The following PLB1 variants were observed in gnomAD, a reference collection of about 807,000 sequenced individuals.
PLB1 encodes phospholipase B1, membrane-associated.
A neutral mutation model predicts 227.4 loss-of-function variants in PLB1; 242 were observed. The observed-to-expected ratio is 1.06, with a 90% CI of 0.96 to 1.18. PLB1 has a LOEUF of 1.18. PLB1 is among the 50% of genes most tolerant of loss of function. The probability of loss-of-function intolerance (pLI) is 0.00; values close to 1 mark genes in which losing one functional copy is unlikely to be tolerated. For missense variants in PLB1, 1,858 were observed against 1,816.3 expected (o/e 1.02, Z -0.42); for synonymous variants, 757 against 682.2 (o/e 1.11, Z -1.71).
At chr2:28,632,252 A>C (rs978873246) in intron 55 of PLB1, 112 bp downstream of exon 55, 7 of 834,330 alleles carry the variant, frequency 8.4e-6, no homozygotes, top group Non-Finnish European at 1.3e-5. Flanking sequence ...TCTCTCCAAG[A>C]GGATTCCTGA....
At position 28,534,001 on chromosome 2, in the gene PLB1, C is replaced by T. The variant is rs144107381; in HGVS notation, c.555+1807C>T. Reference sequence around the variant, plus strand: ...CCTCCCTAATCCTCTGTCTCTTTTTCTTTGCAAACCTCTTACATATCTATA... The same window carrying T: ...CCTCCCTAATCCTCTGTCTCTTTTTTTTTGCAAACCTCTTACATATCTATA... On this transcript the variant is annotated intron_variant, in intron 9 of 57. Transcript: ENST00000327757. Among the ~76,000 whole-genome samples the T allele has an allele frequency of 2.9e-4, 44 of 152,280 alleles. No homozygotes were observed. The East Asian group carries it at 8.3e-3, about 29-fold the overall frequency.
At chr2:28,631,439 C>CCTAA (rs1447630449) in intron 54 of PLB1, among the ~76,000 whole-genome samples, 8 of 152,178 alleles carry the variant, frequency 5.3e-5, no homozygotes, top group Non-Finnish European at 1.2e-4. Flanking sequence ...CTTGATGGGC[C>CCTAA]CTAAAAGCCC....
Position 28,614,079 on chromosome 2 carries a change from A to G in PLB1, c.3178A>G (p.Ile1060Val), listed in dbSNP as rs747435477. 4.7e-5 allele frequency: 75 copies of G among 1,612,734 alleles called. No homozygotes were observed. The highest frequency in any genetic ancestry group is 6.3e-5 in the Non-Finnish European group (74 of 1,179,080). The stretch of plus-strand genomic sequence containing the variant: ...TCGGAATAGTAACTACACGTACCCC[A>G]TCAAGCCAGCCATTGAGGTAACCCC... ...TPRNSNYTYP[I>V]KPAIENWGSD... Residue 1060 changes from isoleucine to valine, a missense_variant, in exon 44 of 58, where the codon ATC (isoleucine) becomes GTC (valine). Transcript: ENST00000327757.
chr2:28,635,686 T>G (rs1299309309), intron 56 of PLB1, among the ~76,000 whole-genome samples: 1 of 150,968 alleles, frequency 6.6e-6, no homozygotes, highest in East Asian at 1.9e-4. Flanking sequence ...CTCACGTCCT[T>G]CTCGAGACTT....
chr2:28,637,748 T>C (rs186493092), intron 56 of PLB1, among the ~76,000 whole-genome samples: 168 of 152,260 alleles, frequency 1.1e-3, no homozygotes, highest in Admixed American at 2.4e-3. Flanking sequence ...CTCTCCTCCT[T>C]CTCCTGGATT....
chr2:28,589,030 T>TG (rs1350825149), intron 26 of PLB1, among the ~76,000 whole-genome samples: 2 of 151,910 alleles, frequency 1.3e-5, no homozygotes, highest in African/African-American at 4.8e-5. Flanking sequence ...CCAGGCGTGG[T>TG]GGCAGGCGCC....
intron 17 of PLB1, among the ~76,000 whole-genome samples, chr2:28,561,845 G>A (rs1379155758): frequency 6.6e-6 from 1 of 152,164 alleles, no homozygotes; most frequent in Non-Finnish European, 1.5e-5. Context: ...CCATTATCAC[G>A]AGCCACTGCA....
intron 49 of PLB1, among the ~76,000 whole-genome samples, chr2:28,623,763 C>T (rs1687356841): frequency 6.6e-6 from 1 of 152,196 alleles, no homozygotes; most frequent in African/African-American, 2.4e-5. Flanking sequence ...TTAAACACAG[C>T]TTTATTGAGG....
chr2:28,597,935 G>A, intron 33 of PLB1, 70 bp from the exon 34 acceptor site: 1 of 1,462,832 alleles, frequency 6.8e-7, no homozygotes, highest in African/African-American at 1.4e-5. Flanking sequence ...CTGCTCTTGT[G>A]TAAAGTTCCT....
chr2:28,542,097 CA>C (rs1304354591), intron 13 of PLB1, among the ~76,000 whole-genome samples: 3 of 149,358 alleles, frequency 2.0e-5, no homozygotes, highest in Non-Finnish European at 4.4e-5. Flanking sequence ...CCTGCCACTG[CA>C]CTCCAGCCTG....
chr2:28,634,665 T>C (rs1370317271), intron 56 of PLB1, among the ~76,000 whole-genome samples: 1 of 152,124 alleles, frequency 6.6e-6, no homozygotes, highest in East Asian at 1.9e-4. Flanking sequence ...CCCAGCACTT[T>C]GGGAGGCCGA....
At chr2:28,637,167 C>A (rs1426269157) in intron 56 of PLB1, among the ~76,000 whole-genome samples, 1 of 151,974 alleles carries the variant, frequency 6.6e-6, no homozygotes, top group Non-Finnish European at 1.5e-5. Context: ...GTGGCACGTG[C>A]CTATAATTCC....
At chr2:28,550,807 T>G (rs556710480) in intron 16 of PLB1, among the ~76,000 whole-genome samples, 1 of 152,306 alleles carries the variant, frequency 6.6e-6, no homozygotes, top group East Asian at 1.9e-4. Flanking sequence ...CCCAAAGTGC[T>G]GAGGTGACAG....
At position 28,601,987 on chromosome 2, in the gene PLB1, C is replaced by T. The variant is rs1356944683; in HGVS notation, c.2673+23C>T. On this transcript the variant is annotated intron_variant, in intron 38 of 57. Coordinates refer to ENST00000327757, the MANE Select transcript of PLB1 (RefSeq NM_153021.5). ...GAGGTGGGTGGGGGGCTTCCACAAG[C>T]TGGTAACAGCTCAAGCATGGTGAGG... is the stretch of plus-strand genomic sequence containing the variant. 4.4e-6 allele frequency: 7 copies of T among 1,578,848 alleles called. No homozygotes were observed. The South Asian group carries it at 5.5e-5, about 12-fold the overall frequency.
chr2:28,526,861 C>T (rs1223125077), intron 6 of PLB1, among the ~76,000 whole-genome samples: 1 of 152,140 alleles, frequency 6.6e-6, no homozygotes, highest in Non-Finnish European at 1.5e-5. Context: ...AGGATGCTGG[C>T]CCTGCCTTAC....
At chr2:28,616,432 A>C (rs1686205819) in intron 44 of PLB1, among the ~76,000 whole-genome samples, 1 of 152,250 alleles carries the variant, frequency 6.6e-6, no homozygotes, top group Non-Finnish European at 1.5e-5. Flanking sequence ...GCTTTTTAGA[A>C]ATGCAGAGTC....
chr2:28,625,101 A>C lies in PLB1; in HGVS notation c.3572A>C (p.Asn1191Thr), dbSNP rs1406739099. The C allele has an allele frequency of 1.9e-6, 3 of 1,612,994 alleles. No individual in the cohort carries two copies. The Admixed American group carries it at 5.0e-5, about 27-fold the overall frequency. ...TGGGACCTGGTAGAGCGAATGAAAA[A>C]CAGCCCCGTGAGTACAGGCCCCCAG... ...QAWDLVERMKNSPDINLEKDW... is the reference protein window; with the variant it reads ...QAWDLVERMKTSPDINLEKDW... Residue 1191 changes from asparagine (N) to threonine (T), a missense_variant, in exon 50 of 58, where the codon AAC (asparagine) becomes ACC (threonine). Physicochemically the swap from Asn to Thr is moderately conservative, Grantham distance 65 (BLOSUM62 0). Transcript: ENST00000327757.
chr2:28,531,857 G>GAAATAATTAGATCC (rs1671055119), intron 8 of PLB1, among the ~76,000 whole-genome samples: 1 of 151,966 alleles, frequency 6.6e-6, no homozygotes, highest in Non-Finnish European at 1.5e-5. Context: ...TTGGGGAAAT[G>GAAATAATTAGATCC]AAATAATTAG....
At chr2:28,580,973 G>A (rs1679829635) in intron 23 of PLB1, among the ~76,000 whole-genome samples, 1 of 152,130 alleles carries the variant, frequency 6.6e-6, no homozygotes, top group Non-Finnish European at 1.5e-5. Flanking sequence ...GGAGTCAGGA[G>A]TTTTCAAGCT....
Sources: allele counts gnomAD v4.1 joint callset (sites outside exome capture counted in the v4.1 genomes callset), GRCh38; gene constraint gnomAD v4.1.1; transcripts MANE v1.5; gene names NCBI Gene and HGNC (gene_info 2026-07-23, HGNC 2026-07-21).